The following CHLSN variants were observed in gnomAD, a reference collection of about 807,000 sequenced individuals.
CHLSN encodes the protein protein cholesin.
At chr7:984,542 T>C in the CHLSN span, 2 of 1,557,940 alleles carry the variant, frequency 1.3e-6, no homozygotes, top group Admixed American at 3.8e-5. Context: ...CGGCCTCCCA[T>C]CGCCATCTTC....
the CHLSN span, among the ~76,000 whole-genome samples, chr7:1,105,769 G>A: frequency 1.3e-5 from 2 of 152,178 alleles, no homozygotes; most frequent in African/African-American, 4.8e-5. Context: ...CACACGCCAC[G>A]CTTGGCTAAC....
the CHLSN span, chr7:1,092,103 C>T: frequency 2.0e-5 from 33 of 1,613,764 alleles, no homozygotes; most frequent in African/African-American, 2.7e-5. Flanking sequence ...GGTACTACGA[C>T]ATCGCCGTCC....
chr7:980,397 C>CA, the CHLSN span, among the ~76,000 whole-genome samples: 2 of 152,260 alleles, frequency 1.3e-5, no homozygotes, highest in African/African-American at 4.8e-5. Context: ...AGCCAGGCTG[C>CA]AGTTGGCACA....
the CHLSN span, among the ~76,000 whole-genome samples, chr7:1,095,595 T>G: frequency 8.5e-5 from 13 of 152,166 alleles, no homozygotes; most frequent in African/African-American, 3.1e-4. Context: ...ATTTCTGACT[T>G]CCAGTTCTGA....
chr7:1,014,630 G>C, the CHLSN span, among the ~76,000 whole-genome samples: 1 of 152,256 alleles, frequency 6.6e-6, no homozygotes, highest in African/African-American at 2.4e-5. Context: ...AGGAAACGTG[G>C]GACAAACACG....
At chr7:1,020,270 TGAGA>T in the CHLSN span, among the ~76,000 whole-genome samples, 1 of 152,152 alleles carries the variant, frequency 6.6e-6, no homozygotes, top group Non-Finnish European at 1.5e-5. Context: ...TGGGGCTCCC[TGAGA>T]GAGGGGGCAC....
the CHLSN span, among the ~76,000 whole-genome samples, chr7:1,097,976 C>A: frequency 7.9e-5 from 12 of 152,070 alleles, no homozygotes; most frequent in African/African-American, 2.7e-4. The surrounding 1 kb of genome is among the most constrained non-coding windows in gnomAD (Gnocchi z 4.3). Flanking sequence ...TGTAACAATT[C>A]GACACAACAG....
chr7:1,091,667 C>A, the CHLSN span: 1 of 1,164,254 alleles, frequency 8.6e-7, no homozygotes, highest in Non-Finnish European at 1.2e-6. Flanking sequence ...GATGGATTCA[C>A]CATTTAAAAC....
chr7:1,017,710 G>T, the CHLSN span, among the ~76,000 whole-genome samples: 1 of 152,230 alleles, frequency 6.6e-6, no homozygotes, highest in Non-Finnish European at 1.5e-5. Context: ...ACTGACTGCC[G>T]CGGGCAGCCG....
chr7:1,112,975 G>A, the CHLSN span, among the ~76,000 whole-genome samples: 1 of 152,148 alleles, frequency 6.6e-6, no homozygotes, highest in Non-Finnish European at 1.5e-5. Flanking sequence ...AATGTTCTTT[G>A]CACCGTGGAT....
At chr7:994,996 G>A in the CHLSN span, among the ~76,000 whole-genome samples, 15 of 152,258 alleles carry the variant, frequency 9.9e-5, no homozygotes, top group Non-Finnish European at 1.6e-4. Context: ...CTTGCCGAGG[G>A]ACAGACGTGA....
At chr7:1,072,170 T>C in the CHLSN span, among the ~76,000 whole-genome samples, 1 of 152,104 alleles carries the variant, frequency 6.6e-6, no homozygotes, top group East Asian at 1.9e-4. Context: ...TGCCCCCACC[T>C]CCCCATGGTC....
At chr7:1,018,962 G>A in the CHLSN span, among the ~76,000 whole-genome samples, 5 of 152,124 alleles carry the variant, frequency 3.3e-5, no homozygotes, top group Admixed American at 1.3e-4. Flanking sequence ...CGTGGTGGCC[G>A]AGGTGGGTGG....
the CHLSN span, among the ~76,000 whole-genome samples, chr7:1,109,756 T>C: frequency 2.3e-4 from 34 of 150,942 alleles, no homozygotes; most frequent in East Asian, 6.7e-3. Context: ...GCGGAGCCCT[T>C]CCCGCCCGCC....
the CHLSN span, chr7:1,075,975 G>C: frequency 6.6e-6 from 1 of 152,068 alleles, no homozygotes; most frequent in African/African-American, 2.4e-5. Flanking sequence ...CCAAAGCCCG[G>C]GGCTGCCACT....
the CHLSN span, among the ~76,000 whole-genome samples, chr7:1,130,550 T>A: frequency 4.0e-5 from 6 of 149,044 alleles, no homozygotes; most frequent in Admixed American, 4.0e-4. Flanking sequence ...CCTCCCTTCC[T>A]ATCCCCACCC....
At chr7:1,112,696 C>T in the CHLSN span, among the ~76,000 whole-genome samples, 9 of 148,862 alleles carry the variant, frequency 6.0e-5, no homozygotes, top group South Asian at 1.9e-3. Flanking sequence ...GTGCTGTGAT[C>T]CAAATGGCTA....
At chr7:1,054,925 C>T in the CHLSN span, among the ~76,000 whole-genome samples, 1 of 152,390 alleles carries the variant, frequency 6.6e-6, no homozygotes, top group South Asian at 2.1e-4. Flanking sequence ...CTTCGCTCGA[C>T]AGTAGACCCT....
At chr7:1,004,123 T>C in the CHLSN span, among the ~76,000 whole-genome samples, 5 of 152,020 alleles carry the variant, frequency 3.3e-5, no homozygotes, top group Non-Finnish European at 5.9e-5. Context: ...GAGAGGGGCC[T>C]CCAGGGAGGT....
Sources: gnomAD v4.1 joint callset for allele counts (sites outside exome capture counted in the v4.1 genomes callset) on GRCh38, gnomAD v4.1.1 for gene constraint, Gnocchi (gnomAD v3.1) non-coding constraint, MANE v1.5 for transcripts, NCBI Gene and HGNC (gene_info 2026-07-23, HGNC 2026-07-21) for gene names.